GNB1L: variants seen among roughly 807,000 people sequenced by gnomAD.
GNB1L encodes guanine nucleotide-binding protein subunit beta-like protein 1.
GNB1L carries 20 observed loss-of-function variants against 29.1 expected under a neutral mutation model. The ratio of observed to expected loss-of-function variants is 0.69; its 90% CI spans 0.48 to 1.00. GNB1L has a LOEUF of 1.00. GNB1L is among the 50% of genes least tolerant of loss of function. GNB1L has a pLI of 0.00. For synonymous variants in GNB1L, 193 were observed against 206.5 expected, an observed-to-expected ratio of 0.93 and a Z score of 0.56; for missense variants, 421 against 464.9, an observed-to-expected ratio of 0.91 and a Z score of 0.87.
intron 2 of GNB1L, chr22:19,852,367 G>T: frequency 3.9e-6 from 5 of 1,290,786 alleles, no homozygotes; most frequent in Non-Finnish European, 5.4e-6. Flanking sequence ...GCTGAACAGG[G>T]CGTGGCAGAC....
intron 2 of GNB1L, among the ~76,000 whole-genome samples, chr22:19,832,100 T>G (rs1601343624): frequency 6.6e-6 from 1 of 151,984 alleles, no homozygotes; most frequent in Non-Finnish European, 1.5e-5. Context: ...GAGGCTGAGG[T>G]GGGAGGATCA....
intron 2 of GNB1L, among the ~76,000 whole-genome samples, chr22:19,837,560 T>G (rs929668118): frequency 3.3e-5 from 5 of 152,204 alleles, no homozygotes; most frequent in African/African-American, 9.7e-5. Context: ...CTTATCAGAA[T>G]GGCTAAAACA....
intron 2 of GNB1L, among the ~76,000 whole-genome samples, chr22:19,825,825 G>A (rs1228124792): frequency 2.6e-5 from 4 of 151,848 alleles, no homozygotes; most frequent in Non-Finnish European, 4.4e-5. Context: ...GGGCATGGTG[G>A]TGGGTGCCTG....
chr22:19,829,860 T>C (rs1422205776), intron 2 of GNB1L, among the ~76,000 whole-genome samples: 1 of 152,128 alleles, frequency 6.6e-6, no homozygotes, highest in East Asian at 1.9e-4. Flanking sequence ...TATATATATA[T>C]ATACATCCCC....
intron 2 of GNB1L, chr22:19,851,177 G>A: frequency 6.3e-7 from 1 of 1,590,240 alleles, no homozygotes; most frequent in East Asian, 2.3e-5. Context: ...TCAGAACCCA[G>A]GAGAAAGTGG....
chr22:19,834,110 A>G (rs114853941), intron 2 of GNB1L, among the ~76,000 whole-genome samples: 361 of 152,236 alleles, frequency 2.4e-3, no homozygotes, highest in African/African-American at 8.3e-3. Flanking sequence ...CTGAAATTTC[A>G]CAAACTTAGA....
intron 6 of GNB1L, among the ~76,000 whole-genome samples, chr22:19,805,711 A>G (rs1937425993): frequency 6.6e-6 from 1 of 152,082 alleles, no homozygotes; most frequent in Non-Finnish European, 1.5e-5. Context: ...GAACCCAGGA[A>G]GCGGAGCTTG....
At chr22:19,844,632 G>C (rs1168809686) in intron 2 of GNB1L, among the ~76,000 whole-genome samples, 2 of 152,182 alleles carry the variant, frequency 1.3e-5, no homozygotes, top group Admixed American at 1.3e-4. Context: ...GGGCAGGCGG[G>C]GTCTCTCTGT....
chr22:19,799,806 CG>C (rs142053345), intron 7 of GNB1L, among the ~76,000 whole-genome samples: 1 of 152,288 alleles, frequency 6.6e-6, no homozygotes, highest in East Asian at 1.9e-4. Context: ...AGCTCACCTC[CG>C]AAAGCGCCCC....
chr22:19,835,834 C>T (rs1390554440), intron 2 of GNB1L, among the ~76,000 whole-genome samples: 1 of 152,034 alleles, frequency 6.6e-6, no homozygotes, highest in African/African-American at 2.4e-5. Flanking sequence ...GAGGAAGTCC[C>T]AAGGGAAATT....
chr22:19,826,249 T>C (rs368222667), intron 2 of GNB1L, among the ~76,000 whole-genome samples: 56 of 152,320 alleles, frequency 3.7e-4, no homozygotes, highest in African/African-American at 1.3e-3. Flanking sequence ...CACCCACGGA[T>C]GCCAGAAAAA....
At chr22:19,817,009 C>T (rs893308726) in intron 4 of GNB1L, among the ~76,000 whole-genome samples, 5 of 152,174 alleles carry the variant, frequency 3.3e-5, no homozygotes, top group Non-Finnish European at 5.9e-5. Flanking sequence ...CACTGCACAC[C>T]GTAGTGAATT....
intron 2 of GNB1L, among the ~76,000 whole-genome samples, chr22:19,823,290 G>A (rs1364223656): frequency 1.3e-5 from 2 of 152,192 alleles, no homozygotes; most frequent in African/African-American, 4.8e-5. Flanking sequence ...TGGCTTCCAG[G>A]GGAGGCAGAG....
rs1299346016 is a variant in GNB1L at position 19,854,836 on chromosome 22, G to A, written c.-134C>T. Reference sequence around the variant, plus strand: ...CACACTGACCCTCTTGCCGGAGTCGGGAACGCCTGCTCCTAGGAGCGCCGC... The same window carrying A: ...CACACTGACCCTCTTGCCGGAGTCGAGAACGCCTGCTCCTAGGAGCGCCGC... On this transcript the variant is annotated 5_prime_UTR_variant, in exon 1 of 8. Transcript: ENST00000329517. 1 of 152,284 alleles carries A rather than the reference G, an allele frequency of 6.6e-6. No homozygotes were observed. The highest frequency in any genetic ancestry group is 6.5e-5 in the Admixed American group (1 of 15,288). The allele number at this position is 152,284 out of a possible 1,614,324, so 9.4% of individuals were successfully genotyped here.
At chr22:19,852,387 TC>T in intron 2 of GNB1L, 1 of 997,786 alleles carries the variant, frequency 1.0e-6, no homozygotes, top group Non-Finnish European at 1.5e-6. Flanking sequence ...CCCGCACTGG[TC>T]CAGGCAAGTG....
At chr22:19,852,019 G>A (rs1938116531) in intron 2 of GNB1L, 1 of 1,614,192 alleles carries the variant, frequency 6.2e-7, no homozygotes, top group East Asian at 2.2e-5. Context: ...GCCCAGCTAG[G>A]GGACCCCTTT....
chr22:19,851,306 G>A, intron 2 of GNB1L: 1 of 1,614,020 alleles, frequency 6.2e-7, no homozygotes, highest in Non-Finnish European at 8.5e-7. Context: ...TGGACCTCCT[G>A]GATGAGCTGG....
At chr22:19,821,942 AC>A (rs1430090816) in intron 2 of GNB1L, among the ~76,000 whole-genome samples, 1 of 151,688 alleles carries the variant, frequency 6.6e-6, no homozygotes, top group African/African-American at 2.4e-5. Flanking sequence ...CTTGGGAGCC[AC>A]CCTCCCTCCC....
chr22:19,821,488 C>T, intron 2 of GNB1L, 113 bp from the exon 3 acceptor site: 1 of 1,059,042 alleles, frequency 9.4e-7, no homozygotes, highest in Non-Finnish European at 1.4e-6. Context: ...GTCTCTGGCC[C>T]TGTGCCCCTC....
Sources: gnomAD v4.1 joint callset for allele counts (sites outside exome capture counted in the v4.1 genomes callset) on GRCh38, gnomAD v4.1.1 for gene constraint, MANE v1.5 for transcripts, NCBI Gene and HGNC (gene_info 2026-07-23, HGNC 2026-07-21) for gene names.